The following RBM26 variants were observed in gnomAD, a reference collection of about 807,000 sequenced individuals.
RBM26 encodes RNA-binding protein 26.
A neutral mutation model predicts 123.6 loss-of-function variants in RBM26; 30 were observed. That is an observed-to-expected ratio of 0.24 (90% CI 0.18 to 0.33). The LOEUF is 0.33. RBM26 is among the 10% of genes least tolerant of loss of function. The probability of loss-of-function intolerance (pLI) is 1.00; values close to 1 mark genes in which losing one functional copy is unlikely to be tolerated. For synonymous variants in RBM26, 400 were observed against 404.4 expected, an observed-to-expected ratio of 0.99 and a Z score of 0.13; for missense variants, 947 against 1,203.6, an observed-to-expected ratio of 0.79 and a Z score of 3.15.
In RBM26 at chr13:79,377,301, T is replaced by C. The variant is rs566404953; in HGVS notation, c.327+78A>G. The C allele has an allele frequency of 1.8e-3, 2,369 of 1,280,686 alleles. 3 individuals carry two copies. The highest frequency in any genetic ancestry group is 2.3e-3 in the Non-Finnish European group (2,008 of 891,962). The allele number at this position is 1,280,686 out of a possible 1,614,324, so 79.3% of individuals were successfully genotyped here. A position where few individuals can be genotyped will look rare whatever the true frequency, so the allele number is the denominator to read the frequency against. On this transcript the variant is annotated intron_variant, in intron 3 of 21. Coordinates refer to ENST00000438737, the MANE Select transcript of RBM26 (RefSeq NM_001366735.2). ...GGTCCTGAGGACTCCAACACAAAGATATAGAAGATAAAAACTCAGTTTGGT... is the reference window on the plus strand; with the variant it reads ...GGTCCTGAGGACTCCAACACAAAGACATAGAAGATAAAAACTCAGTTTGGT...
At position 79,368,747 on chromosome 13, in the gene RBM26, C is replaced by T; in HGVS notation, c.878G>A (p.Arg293Gln). The part of the protein sequence containing the change: ...SYVRPPMPKK[R>Q]CRDYDEKGFC... ...AGACTTACCATCATAGTCTCTACACCGTTTCTTTGGCATGGGTGGTCTTAC... is the reference window on the plus strand; with the variant it reads ...AGACTTACCATCATAGTCTCTACACTGTTTCTTTGGCATGGGTGGTCTTAC... Residue 293 changes from arginine (R) to glutamine (Q), a missense_variant, in exon 6 of 22, where the codon CGG (arginine) becomes CAG (glutamine). Arg to Gln is a conservative substitution (Grantham distance 43). Around this residue, in one of 5 missense-constraint regions of RBM26, gnomAD observed 275 missense variants for 361.0 expected, o/e 0.76. Transcript: ENST00000438737. 1 of 1,613,750 alleles carries T rather than the reference C, an allele frequency of 6.2e-7. No homozygotes were observed. Among genetic ancestry groups the T allele is most frequent in the Admixed American group, 1.7e-5 (1 of 60,008 alleles).
chr13:79,315,101 C>CT, downstream of RBM26: 1 of 531,648 alleles, frequency 1.9e-6, no homozygotes, highest in Non-Finnish European at 3.2e-6. Flanking sequence ...TTAAAAAAGT[C>CT]TATTTGAGAA....
intron 20 of RBM26, among the ~76,000 whole-genome samples, chr13:79,330,553 G>A (rs1301251920): frequency 6.6e-6 from 1 of 152,068 alleles, no homozygotes; most frequent in Non-Finnish European, 1.5e-5. Context: ...AGAGAAAACT[G>A]ACTTGAAATA....
In RBM26 at chr13:79,384,199, T is replaced by G. The variant is rs150726637; in HGVS notation, c.72-5292A>C. 8.6e-4 allele frequency among the ~76,000 whole-genome samples: 131 copies of G among 152,220 alleles called. 1 individual carries two copies. Among genetic ancestry groups the G allele is most frequent in the African/African-American group, 2.9e-3 (122 of 41,546 alleles). ...GATTTTAAAGGCATAAAAATAAAAC[T>G]TTGTCAATTCCTGAATATACTGTGT... On this transcript the variant is annotated intron_variant, in intron 1 of 21. Transcript: ENST00000438737.
intron 14 of RBM26, among the ~76,000 whole-genome samples, chr13:79,347,237 C>T (rs1302119562): frequency 2.6e-5 from 1 of 38,032 alleles, no homozygotes; most frequent in Non-Finnish European, 6.2e-5. Context: ...ACGAATGTGA[C>T]TCACTAAGGC....
intron 1 of RBM26, 117 bp downstream of exon 1, chr13:79,405,587 G>T: frequency 1.7e-6 from 1 of 580,084 alleles, no homozygotes; most frequent in South Asian, 3.0e-5. Flanking sequence ...CAGAACCCTG[G>T]GACCTCCGTT....
At chr13:79,329,175 G>T (rs1220790813) in intron 20 of RBM26, among the ~76,000 whole-genome samples, 1 of 151,980 alleles carries the variant, frequency 6.6e-6, no homozygotes, top group African/African-American at 2.4e-5. Context: ...ATAGAGTCTA[G>T]AATTAACAAG....
intron 12 of RBM26, 44 bp downstream of exon 12, chr13:79,355,176 C>A: frequency 6.3e-7 from 1 of 1,578,896 alleles, no homozygotes; most frequent in South Asian, 1.1e-5. Flanking sequence ...ATGCTAAGAG[C>A]TTTCTAAGAA....
chr13:79,399,319 T>A (rs962650040), intron 1 of RBM26, among the ~76,000 whole-genome samples: 1 of 152,208 alleles, frequency 6.6e-6, no homozygotes, highest in African/African-American at 2.4e-5. Flanking sequence ...GTATGCTAAT[T>A]CATCTTCCTA....
chr13:79,337,442 A>T, intron 18 of RBM26, 140 bp from the exon 19 acceptor site: 1 of 1,019,554 alleles, frequency 9.8e-7, no homozygotes, highest in Non-Finnish European at 1.4e-6. Flanking sequence ...ACATAATTTA[A>T]ATTGGGGTTT....
chr13:79,344,078 G>C (rs2071882444), intron 16 of RBM26, among the ~76,000 whole-genome samples, 170 bp downstream of exon 16: 1 of 151,988 alleles, frequency 6.6e-6, no homozygotes, highest in African/African-American at 2.4e-5. Flanking sequence ...AAAGTATAAA[G>C]TATACCCACC....
At chr13:79,377,796 T>TG (rs2076769630) in intron 2 of RBM26, among the ~76,000 whole-genome samples, 1 of 151,886 alleles carries the variant, frequency 6.6e-6, no homozygotes, top group Non-Finnish European at 1.5e-5. Flanking sequence ...TAATTCCAGA[T>TG]ACTAGGGAGG....
intron 16 of RBM26, among the ~76,000 whole-genome samples, chr13:79,343,612 G>C (rs1431339484): frequency 6.6e-6 from 1 of 151,796 alleles, no homozygotes; most frequent in African/African-American, 2.4e-5. Flanking sequence ...GAGTAACTCA[G>C]TCCAAAAGAA....
intron 1 of RBM26, among the ~76,000 whole-genome samples, chr13:79,390,481 G>T (rs1264433660): frequency 6.6e-6 from 1 of 152,100 alleles, no homozygotes; most frequent in African/African-American, 2.4e-5. Flanking sequence ...ATTTTCCAGG[G>T]CAAGGGTAAT....
intron 1 of RBM26, among the ~76,000 whole-genome samples, chr13:79,396,109 C>A (rs2078538488): frequency 1.3e-5 from 2 of 152,126 alleles, no homozygotes; most frequent in South Asian, 2.1e-4. Flanking sequence ...AGACACATTA[C>A]ATTCAGGAGA....
At chr13:79,349,890 G>A (rs901050022) in intron 14 of RBM26, among the ~76,000 whole-genome samples, 2 of 151,998 alleles carry the variant, frequency 1.3e-5, no homozygotes, top group African/African-American at 2.4e-5. Context: ...AAGAGACAGG[G>A]TTTCACTGTA....
intron 18 of RBM26, among the ~76,000 whole-genome samples, chr13:79,338,713 G>T (rs1364335793): frequency 6.6e-6 from 1 of 152,182 alleles, no homozygotes. Context: ...TCTGGCTAGA[G>T]TTTTAAGAAC....
intron 6 of RBM26, among the ~76,000 whole-genome samples, chr13:79,368,301 C>T (rs1470655568): frequency 6.6e-6 from 1 of 152,228 alleles, no homozygotes; most frequent in East Asian, 1.9e-4. Context: ...GCTGGGATTA[C>T]AGGCGTGAGC....
chr13:79,316,310 G>A (rs146704269), downstream of RBM26, among the ~76,000 whole-genome samples: 5 of 151,124 alleles, frequency 3.3e-5, no homozygotes, highest in African/African-American at 9.7e-5. Context: ...TGTGTGTAAG[G>A]AGGGAAAAGA....
Sources: allele counts gnomAD v4.1 joint callset (sites outside exome capture counted in the v4.1 genomes callset), GRCh38; gene constraint gnomAD v4.1.1; regional missense constraint gnomAD v4.1.1; transcripts MANE v1.5; gene names NCBI Gene and HGNC (gene_info 2026-07-23, HGNC 2026-07-21).